The following DRC7 variants were observed in gnomAD, a reference collection of about 807,000 sequenced individuals.
DRC7 encodes coiled-coil domain containing 135.
A neutral mutation model predicts 104.4 loss-of-function variants in DRC7; 80 were observed. That is an observed-to-expected ratio of 0.77 (90% CI 0.64 to 0.92). DRC7 has a LOEUF of 0.92. Among genes scored for constraint, DRC7 ranks in the 40% least tolerant of loss-of-function variants. The probability of loss-of-function intolerance (pLI) is 0.00; values close to 1 mark genes in which losing one functional copy is unlikely to be tolerated. For synonymous variants in DRC7, 405 were observed against 447.3 expected (o/e 0.91, Z 1.19); for missense variants, 1,034 against 1,141.1 (o/e 0.91, Z 1.35).
rs759024761 is a variant in DRC7 at position 57,707,543 on chromosome 16, G to A, written c.942G>A (p.Val314=). Residue 314 remains valine (V), a synonymous_variant, in exon 8 of 19, where the codon GTG becomes GTA. Transcript: ENST00000360716. ...TTGTGCTATCGGGGAAGCGCGAGGTGCCTGAGAACTTCTTCATCGACCCAT... is the reference window on the plus strand; with the variant it reads ...TTGTGCTATCGGGGAAGCGCGAGGTACCTGAGAACTTCTTCATCGACCCAT... ...WVLVLSGKRE[V]PENFFIDPFT... is the part of the protein sequence containing the mutation. 4 of 1,613,434 alleles carry A rather than the reference G, an allele frequency of 2.5e-6. No individual in the cohort carries two copies. The African/African-American group carries it at 5.3e-5, about 22-fold the overall frequency.
chr16:57,714,634 TCA>T (rs111259708), intron 8 of DRC7: 509 of 185,936 alleles, frequency 2.7e-3, no homozygotes, highest in South Asian at 9.1e-3. Context: ...TCTCTCTCTG[TCA>T]CACACACACA....
intron 3 of DRC7, 84 bp from the exon 4 acceptor site, chr16:57,698,766 G>C (rs762385191): frequency 3.0e-6 from 4 of 1,336,884 alleles, no homozygotes; most frequent in Non-Finnish European, 4.2e-6. Context: ...ATGAGGAAGG[G>C]GTAGAGCCAA....
intron 3 of DRC7, among the ~76,000 whole-genome samples, 190 bp downstream of exon 3, chr16:57,698,342 T>C (rs557111133): frequency 6.6e-6 from 1 of 152,194 alleles, no homozygotes; most frequent in South Asian, 2.1e-4. Flanking sequence ...CTGTGTGACC[T>C]TGGGCAAGTC....
chr16:57,706,308 C>G (rs1400464370), intron 7 of DRC7, among the ~76,000 whole-genome samples: 1 of 146,718 alleles, frequency 6.8e-6, no homozygotes, highest in African/African-American at 2.5e-5. Context: ...TCCCACCATC[C>G]TCTGATCCAG....
At chr16:57,726,389 C>A in intron 14 of DRC7, 106 bp downstream of exon 14, 1 of 941,010 alleles carries the variant, frequency 1.1e-6, no homozygotes, top group Non-Finnish European at 1.6e-6. Flanking sequence ...TGGTGAATCC[C>A]GGCGAGGAAA....
At chr16:57,711,353 C>A (rs879761438) in intron 8 of DRC7, among the ~76,000 whole-genome samples, 8 of 152,224 alleles carry the variant, frequency 5.3e-5, no homozygotes, top group African/African-American at 9.6e-5. Context: ...TGCTCCTGAT[C>A]AATCTGGTTA....
At chr16:57,725,350 G>C (rs2048950305) in intron 13 of DRC7, 1 of 157,906 alleles carries the variant, frequency 6.3e-6, no homozygotes, top group Admixed American at 6.0e-5. Flanking sequence ...TTGACCTATG[G>C]GGATTACAGT....
rs761849410 is a variant in DRC7, at chr16:57,702,150, G to A, written c.699+20G>A. The A allele has an allele frequency of 8.7e-6, 14 of 1,611,594 alleles. No homozygotes were observed. Among genetic ancestry groups the A allele is most frequent in the Admixed American group, 1.7e-5 (1 of 59,890 alleles). ...AAGGAGGTATGGTCGGGCTTGAGCT[G>A]CCCGGGTTTCCCAAAGGATGAACAT... On this transcript the variant is annotated intron_variant, in intron 6 of 18. Coordinates refer to ENST00000360716, the MANE Select transcript of DRC7 (RefSeq NM_001289162.2).
At chr16:57,705,908 A>G (rs2048716615) in intron 7 of DRC7, among the ~76,000 whole-genome samples, 1 of 127,338 alleles carries the variant, frequency 7.9e-6, no homozygotes, top group Non-Finnish European at 1.6e-5. Context: ...CCTCCCATCC[A>G]TCCATCCATT....
chr16:57,727,534 C>A, intron 16 of DRC7, 125 bp downstream of exon 16: 1 of 675,552 alleles, frequency 1.5e-6, no homozygotes, highest in Non-Finnish European at 2.6e-6. Flanking sequence ...TGATACCATG[C>A]GGTCATCCTT....
Position 57,724,701 on chromosome 16 carries a change from G to A in DRC7, c.1624G>A (p.Glu542Lys). Residue 542 changes from glutamate (E) to lysine (K), a missense_variant, in exon 13 of 19, where the codon GAG becomes AAG. Glu to Lys is a moderately conservative substitution (Grantham distance 56, BLOSUM62 1). Transcript: ENST00000360716. ...CCGTGTGGATGGCCTGATGAAGCGG[G>A]AGGAGACACCCAGGACAATGACAGA... ...TARVDGLMKR[E>K]ETPRTMTEYY... 1.2e-6 allele frequency: 2 copies of A among 1,613,960 alleles called. No individual in the cohort carries two copies. Among genetic ancestry groups the A allele is most frequent in the Non-Finnish European group, 8.5e-7 (1 of 1,180,012 alleles).
At chr16:57,720,161 T>C (rs975616052) in intron 9 of DRC7, among the ~76,000 whole-genome samples, 1 of 152,286 alleles carries the variant, frequency 6.6e-6, no homozygotes, top group Admixed American at 6.5e-5. Context: ...GTGATTAATA[T>C]TATCCCATTT....
rs145054390 is a variant in DRC7, at chr16:57,698,009, C to T, written c.60C>T (p.Ala20=). The part of the protein sequence containing the change: ...EEEEAEREEA[A]EWAEWARMEK... ...AGGAGGCCGAGCGGGAGGAGGCGGC[C>T]GAGTGGGCTGAATGGGCGAGGATGG... The change falls in exon 3 of 19, where the codon GCC becomes GCT. Residue 20 remains alanine (A), a synonymous_variant. Coordinates refer to ENST00000360716, the MANE Select transcript of DRC7 (RefSeq NM_001289162.2). The T allele has an allele frequency of 2.6e-4, 416 of 1,613,518 alleles. 1 individual carries two copies. Among genetic ancestry groups the T allele is most frequent in the Non-Finnish European group, 3.4e-4 (398 of 1,180,014 alleles).
At chr16:57,700,838 T>G (rs528303875) in intron 5 of DRC7, among the ~76,000 whole-genome samples, 6 of 152,042 alleles carry the variant, frequency 3.9e-5, no homozygotes, top group Non-Finnish European at 5.9e-5. Context: ...CTGAGTACTA[T>G]GGGGTCACAA....
At chr16:57,702,505 T>C (rs2048670490) in intron 6 of DRC7, among the ~76,000 whole-genome samples, 1 of 152,184 alleles carries the variant, frequency 6.6e-6, no homozygotes, top group South Asian at 2.1e-4. Context: ...GCCATTTTTA[T>C]ATAAGAAAAT....
chr16:57,700,360 A>C lies in DRC7; in HGVS notation c.504+90A>C. On this transcript the variant is annotated intron_variant, in intron 5 of 18. Transcript: ENST00000360716. ...TCACCCATCCAAACCCAAAGAATGGACTTAGAGGCCGGGCGTGGTAGCTCA... is the reference window on the plus strand; with the variant it reads ...TCACCCATCCAAACCCAAAGAATGGCCTTAGAGGCCGGGCGTGGTAGCTCA... 5 of 1,494,754 alleles carry C rather than the reference A, an allele frequency of 3.3e-6. No individual in the cohort carries two copies. The South Asian group carries it at 6.4e-5, about 19-fold the overall frequency. The allele number at this position is 1,494,754 out of a possible 1,614,324, so 92.6% of individuals were successfully genotyped here.
chr16:57,717,661 T>C (rs2148759324), intron 8 of DRC7, among the ~76,000 whole-genome samples: 1 of 151,238 alleles, frequency 6.6e-6, no homozygotes, highest in Non-Finnish European at 1.5e-5. Flanking sequence ...ATCACGCCAC[T>C]GCACTCCAGC....
intron 2 of DRC7, among the ~76,000 whole-genome samples, chr16:57,696,947 C>T (rs2048598887): frequency 6.6e-6 from 1 of 152,222 alleles, no homozygotes; most frequent in Non-Finnish European, 1.5e-5. Context: ...GAGTCTCACT[C>T]TGTCACCCAG....
At chr16:57,728,302 C>A in intron 16 of DRC7, 88 bp from the exon 17 acceptor site, 1 of 1,317,060 alleles carries the variant, frequency 7.6e-7, no homozygotes, top group Non-Finnish European at 1.0e-6. Flanking sequence ...TGAGGTCTGG[C>A]TTTGTGCTGG....
Sources: allele counts gnomAD v4.1 joint callset (sites outside exome capture counted in the v4.1 genomes callset), GRCh38; gene constraint gnomAD v4.1.1; transcripts MANE v1.5; gene names NCBI Gene and HGNC (gene_info 2026-07-23, HGNC 2026-07-21).